ANKMY2: variants seen among roughly 807,000 people sequenced by gnomAD.
ANKMY2 encodes the protein ankyrin repeat and MYND domain-containing protein 2.
Under a neutral mutation model 50.4 loss-of-function variants are expected in ANKMY2, and 36 were observed. The ratio of observed to expected loss-of-function variants is 0.71; its 90% CI spans 0.55 to 0.94. The LOEUF is 0.94. ANKMY2 is among the 40% of genes least tolerant of loss of function. The pLI, the probability that ANKMY2 is intolerant of heterozygous loss-of-function variation, is 0.00. For missense variants in ANKMY2, 565 were observed against 524.0 expected (o/e 1.08, Z -0.76); for synonymous variants, 187 against 178.8 (o/e 1.05, Z -0.36).
At position 16,604,695 on chromosome 7, in the gene ANKMY2, T is replaced by A. The variant is rs117183796; in HGVS notation, c.1011+26A>T. On this transcript the variant is annotated intron_variant, in intron 8 of 9. Coordinates refer to ENST00000306999, the MANE Select transcript of ANKMY2 (RefSeq NM_020319.3). ...TGGCTGCATCTAAACCAGAGGTCAA[T>A]GAAATAAAAAGAACTCCATTCTTAC... 5.0e-5 allele frequency: 80 copies of A among 1,608,970 alleles called. No homozygotes were observed. The East Asian group carries it at 1.5e-3, about 31-fold the overall frequency.
At chr7:16,602,971 C>G (rs1211762465) in intron 8 of ANKMY2, among the ~76,000 whole-genome samples, 2 of 152,184 alleles carry the variant, frequency 1.3e-5, no homozygotes, top group Admixed American at 6.5e-5. Flanking sequence ...TCCTGTATAC[C>G]TTCAGAACCG....
chr7:16,601,849 T>C (rs1781072412), intron 9 of ANKMY2, among the ~76,000 whole-genome samples: 1 of 151,944 alleles, frequency 6.6e-6, no homozygotes, highest in African/African-American at 2.4e-5. Flanking sequence ...TCAAGAGGGA[T>C]GGAGAAAAAA....
intron 2 of ANKMY2, among the ~76,000 whole-genome samples, chr7:16,629,479 T>G (rs2128345266): frequency 6.6e-6 from 1 of 151,884 alleles, no homozygotes; most frequent in Middle Eastern, 3.4e-3. Flanking sequence ...GAGGTTGCAG[T>G]GAGCCGAGAT....
At chr7:16,602,295 G>A in intron 9 of ANKMY2, 85 bp downstream of exon 9, 1 of 1,500,238 alleles carries the variant, frequency 6.7e-7, no homozygotes, top group Non-Finnish European at 8.9e-7. Context: ...GGCTTCCAGA[G>A]AAGACGCAGT....
chr7:16,629,989 T>C (rs550574147), intron 2 of ANKMY2, among the ~76,000 whole-genome samples: 1 of 152,108 alleles, frequency 6.6e-6, no homozygotes, highest in Non-Finnish European at 1.5e-5. Context: ...TCAGTGTAAA[T>C]ATCCAGAAAA....
chr7:16,615,246 C>T (rs976699994), intron 5 of ANKMY2, among the ~76,000 whole-genome samples: 4 of 152,082 alleles, frequency 2.6e-5, no homozygotes, highest in South Asian at 2.1e-4. Flanking sequence ...TGTTAGTGCC[C>T]CCACATACAT....
intron 4 of ANKMY2, among the ~76,000 whole-genome samples, chr7:16,620,692 C>T (rs1781423081): frequency 6.6e-6 from 1 of 151,202 alleles, no homozygotes; most frequent in Non-Finnish European, 1.5e-5. Context: ...AGGAATGCAA[C>T]CACATATATC....
At chr7:16,613,983 A>G (rs11765150) in intron 5 of ANKMY2, among the ~76,000 whole-genome samples, 20,664 of 152,014 alleles carry the variant, frequency 0.14, 1,530 homozygotes, top group East Asian at 0.22. Context: ...AGAAACATAG[A>G]TATGAAAGAC....
chr7:16,631,158 T>A (rs1781575952), intron 2 of ANKMY2, among the ~76,000 whole-genome samples: 1 of 147,024 alleles, frequency 6.8e-6, no homozygotes, highest in African/African-American at 2.4e-5. Context: ...CATTTTAGCA[T>A]CTGTTGTGGT....
Position 16,610,571 on chromosome 7 carries a change from T to C in ANKMY2, c.724A>G (p.Lys242Glu), listed in dbSNP as rs1232422846. 1 of 1,613,564 alleles carries C rather than the reference T, an allele frequency of 6.2e-7. No homozygotes were observed. The highest frequency in any genetic ancestry group is 1.1e-5 in the South Asian group (1 of 91,016). ...CINFLKDGENKLDTLIKSLLK... is the reference protein window; with the variant it reads ...CINFLKDGENELDTLIKSLLK... ...TACCTTTTGATCAAGGTGTCCAGTT[T>C]ATTCTCTCCATCTTTTAAGAAGTTA... The change falls in exon 6 of 10, where the codon AAA (lysine) becomes GAA (glutamate). Residue 242 changes from lysine to glutamate, a missense_variant. Lys to Glu is a moderately conservative substitution (Grantham distance 56, BLOSUM62 1). Coordinates refer to ENST00000306999, the MANE Select transcript of ANKMY2 (RefSeq NM_020319.3).
chr7:16,605,944 A>C (rs1260711389), intron 7 of ANKMY2, among the ~76,000 whole-genome samples: 1 of 151,664 alleles, frequency 6.6e-6, no homozygotes, highest in South Asian at 2.1e-4. Context: ...TGGCCTCCCA[A>C]AGTGCTGGGA....
intron 1 of ANKMY2, among the ~76,000 whole-genome samples, chr7:16,638,753 T>C (rs970479793): frequency 6.6e-6 from 1 of 152,134 alleles, no homozygotes; most frequent in African/African-American, 2.4e-5. Flanking sequence ...AGTCGCCTCA[T>C]TAGAACAAAA....
intron 4 of ANKMY2, among the ~76,000 whole-genome samples, chr7:16,616,762 G>A (rs1000987733): frequency 1.3e-5 from 2 of 152,258 alleles, no homozygotes; most frequent in South Asian, 4.1e-4. Context: ...CCTGGGGAGA[G>A]CGTGCAGACG....
intron 1 of ANKMY2, among the ~76,000 whole-genome samples, chr7:16,641,101 G>T (rs762708615): frequency 6.6e-6 from 1 of 152,140 alleles, no homozygotes; most frequent in Non-Finnish European, 1.5e-5. Flanking sequence ...GGGCGCGGTG[G>T]TGCACGCCTG....
chr7:16,615,939 G>C (rs749971424), intron 4 of ANKMY2, 35 bp from the exon 5 acceptor site: 2 of 1,564,118 alleles, frequency 1.3e-6, no homozygotes, highest in Non-Finnish European at 1.7e-6. Flanking sequence ...TGTAGTTTTA[G>C]TATTAAAAAT....
chr7:16,615,786 C>A lies in ANKMY2; in HGVS notation c.489G>T (p.Pro163=). The A allele has an allele frequency of 3.7e-6, 6 of 1,614,202 alleles. No homozygotes were observed. Among genetic ancestry groups the A allele is most frequent in the East Asian group, 2.2e-5 (1 of 44,888 alleles). ...EPKLPPKLAG[P]LHKIITTTNL... is the part of the protein sequence containing the mutation. ...TCGTTGTGGTGATAATTTTGTGCAGCGGGCCTGCCAACTTTGGGGGCAGTT... is the reference window on the plus strand; with the variant it reads ...TCGTTGTGGTGATAATTTTGTGCAGAGGGCCTGCCAACTTTGGGGGCAGTT... Residue 163 remains proline, a synonymous_variant, in exon 5 of 10, where the codon CCG becomes CCT. Transcript: ENST00000306999.
At chr7:16,607,655 C>A (rs1283763594) in intron 7 of ANKMY2, among the ~76,000 whole-genome samples, 14 of 147,488 alleles carry the variant, frequency 9.5e-5, no homozygotes, top group African/African-American at 3.3e-4. Flanking sequence ...TTGTTGACCA[C>A]AATATTGACC....
intron 2 of ANKMY2, among the ~76,000 whole-genome samples, chr7:16,631,409 G>C (rs1200264234): frequency 6.6e-6 from 1 of 152,134 alleles, no homozygotes; most frequent in African/African-American, 2.4e-5. Context: ...CATTATGCTA[G>C]CCTTATCAAA....
At chr7:16,606,191 G>A (rs73078970) in intron 7 of ANKMY2, among the ~76,000 whole-genome samples, 5,777 of 152,182 alleles carry the variant, frequency 0.038, 170 homozygotes, top group Non-Finnish European at 0.063. Context: ...AGTACTGTGC[G>A]AGGCCAAGGC....
Sources: gnomAD v4.1 joint callset for allele counts (sites outside exome capture counted in the v4.1 genomes callset) on GRCh38, gnomAD v4.1.1 for gene constraint, MANE v1.5 for transcripts, NCBI Gene and HGNC (gene_info 2026-07-23, HGNC 2026-07-21) for gene names.